Variants in MGAT4C observed in about 807,000 individuals in gnomAD.
The protein encoded by MGAT4C is MGAT4 family member C, also known as alpha-1,3-mannosyl-glycoprotein 4-beta-N-acetylglucosaminyltransferase C.
MGAT4C carries 19 observed loss-of-function variants against 40.1 expected under a neutral mutation model. That is an observed-to-expected ratio of 0.47 (90% CI 0.33 to 0.70). MGAT4C has a LOEUF of 0.70. Ranked by LOEUF, MGAT4C falls within the 30% of genes least tolerant of loss-of-function variation. MGAT4C has a pLI of 0.02. For synonymous variants in MGAT4C, 181 were observed against 187.1 expected (o/e 0.97, Z 0.27); for missense variants, 491 against 563.2 (o/e 0.87, Z 1.30).
chr12:86,276,397 T>C (rs1953082682), intron 4 of MGAT4C, among the ~76,000 whole-genome samples: 1 of 152,176 alleles, frequency 6.6e-6, no homozygotes, highest in Non-Finnish European at 1.5e-5. Context: ...TCACCTCAAG[T>C]AATTTACCCT....
intron 1 of MGAT4C, among the ~76,000 whole-genome samples, chr12:86,144,379 C>T (rs986012453): frequency 6.6e-6 from 1 of 152,046 alleles, no homozygotes; most frequent in Non-Finnish European, 1.5e-5. Flanking sequence ...GCTAGTTATA[C>T]CCTCGAGTAC....
At chr12:86,574,500 A>C (rs750841745) in intron 2 of MGAT4C, among the ~76,000 whole-genome samples, 1 of 151,766 alleles carries the variant, frequency 6.6e-6, no homozygotes, top group Non-Finnish European at 1.5e-5. Context: ...TAATTATATT[A>C]GTTTTAGTCA....
At chr12:86,228,647 A>G (rs1214457176) in intron 1 of MGAT4C, among the ~76,000 whole-genome samples, 3 of 151,032 alleles carry the variant, frequency 2.0e-5, no homozygotes, top group East Asian at 3.9e-4. Flanking sequence ...AAGAGAAATA[A>G]GGATTTGCAT....
At chr12:86,179,147 T>C (rs55898671) in intron 1 of MGAT4C, among the ~76,000 whole-genome samples, 11,164 of 152,260 alleles carry the variant, frequency 0.073, 576 homozygotes, top group Middle Eastern at 0.22. Context: ...ATTCTAGTGA[T>C]ACTGAATACA....
rs146340404 is a variant in MGAT4C, at chr12:85,998,371, A to G, written c.-6-8819T>C. On this transcript the variant is annotated intron_variant, in intron 2 of 4. Transcript: ENST00000611864. ...TTTTCCCTATTGTCTTGGTGATTAC[A>G]TTCTGCTCCTCATTACTTATGCAAA... Among the ~76,000 whole-genome samples, 870 of 152,264 alleles carry G rather than the reference A, an allele frequency of 5.7e-3. 6 individuals carry two copies. The highest frequency in any genetic ancestry group is 0.01 in the Middle Eastern group (3 of 294).
intron 2 of MGAT4C, among the ~76,000 whole-genome samples, chr12:86,652,831 T>C (rs77432713): frequency 0.12 from 17,961 of 151,900 alleles, 1,745 homozygotes; most frequent in African/African-American, 0.27. Flanking sequence ...ATATTCCTTG[T>C]AATTAATTCC....
intron 2 of MGAT4C, among the ~76,000 whole-genome samples, chr12:86,534,432 T>A (rs1018386785): frequency 6.6e-6 from 1 of 152,132 alleles, no homozygotes; most frequent in Admixed American, 6.6e-5. Context: ...CTGTAACTTC[T>A]GTCCCCATAA....
At chr12:86,126,180 G>T (rs1262831076) in intron 1 of MGAT4C, among the ~76,000 whole-genome samples, 2 of 151,760 alleles carry the variant, frequency 1.3e-5, no homozygotes, top group Non-Finnish European at 2.9e-5. Context: ...TACTTAAAAT[G>T]CTATATGTAA....
chr12:86,570,410 A>C (rs1960314842), intron 2 of MGAT4C, among the ~76,000 whole-genome samples: 1 of 152,138 alleles, frequency 6.6e-6, no homozygotes, highest in African/African-American at 2.4e-5. Flanking sequence ...TTTGTCTAAT[A>C]AGACTTGTTC....
intron 3 of MGAT4C, among the ~76,000 whole-genome samples, chr12:86,361,979 T>G (rs61949466): frequency 0.085 from 12,910 of 152,308 alleles, 761 homozygotes; most frequent in Middle Eastern, 0.22. Context: ...AGCCATCCCA[T>G]TACTGGGTAT....
intron 2 of MGAT4C, among the ~76,000 whole-genome samples, chr12:86,635,868 G>C (rs2136512777): frequency 6.6e-6 from 1 of 151,174 alleles, no homozygotes; most frequent in African/African-American, 2.4e-5. Context: ...ATTTTTAGTA[G>C]AGATGAGTTT....
chr12:86,105,087 A>G (rs1272445173), intron 1 of MGAT4C, among the ~76,000 whole-genome samples: 1 of 152,184 alleles, frequency 6.6e-6, no homozygotes, highest in African/African-American at 2.4e-5. Flanking sequence ...AGGCAGGTAA[A>G]ATGTGATATT....
At chr12:86,785,203 C>T (rs1657931578) in intron 1 of MGAT4C, among the ~76,000 whole-genome samples, 1 of 151,904 alleles carries the variant, frequency 6.6e-6, no homozygotes, top group Admixed American at 6.6e-5. Context: ...CAAATGTCTG[C>T]CTCTATTTGC....
intron 3 of MGAT4C, 23 bp from the exon 4 acceptor site, chr12:85,983,693 G>T: frequency 6.6e-7 from 1 of 1,509,526 alleles, no homozygotes; most frequent in Admixed American, 2.3e-5. Flanking sequence ...AAAGAAGCAA[G>T]GAAAATATAT....
At chr12:86,242,050 C>T (rs1205108882) in intron 1 of MGAT4C, among the ~76,000 whole-genome samples, 1 of 152,158 alleles carries the variant, frequency 6.6e-6, no homozygotes, top group Non-Finnish European at 1.5e-5. Flanking sequence ...CATCTTTTCA[C>T]TATACAATCA....
At chr12:86,284,171 A>G (rs1388854542) in intron 4 of MGAT4C, among the ~76,000 whole-genome samples, 1 of 152,076 alleles carries the variant, frequency 6.6e-6, no homozygotes, top group Non-Finnish European at 1.5e-5. Flanking sequence ...CAATGATTCT[A>G]TAACAGGTTG....
chr12:86,502,536 T>C (rs1376525044), intron 2 of MGAT4C, among the ~76,000 whole-genome samples: 1 of 151,536 alleles, frequency 6.6e-6, no homozygotes, highest in Non-Finnish European at 1.5e-5. Context: ...TATTGATTCA[T>C]CCATTGTAAC....
At chr12:86,051,013 A>G (rs1416439265) in intron 1 of MGAT4C, among the ~76,000 whole-genome samples, 2 of 150,866 alleles carry the variant, frequency 1.3e-5, no homozygotes, top group African/African-American at 2.4e-5. Flanking sequence ...AGAAGGCTGT[A>G]GCAACAATCG....
chr12:86,267,708 T>C (rs1170673932), intron 4 of MGAT4C, among the ~76,000 whole-genome samples: 2 of 152,104 alleles, frequency 1.3e-5, no homozygotes, highest in African/African-American at 2.4e-5. Flanking sequence ...AGCTAGTAAG[T>C]AGGCCTAGAC....
Sources: gnomAD v4.1 joint callset for allele counts (sites outside exome capture counted in the v4.1 genomes callset) on GRCh38, gnomAD v4.1.1 for gene constraint, MANE v1.5 for transcripts, NCBI Gene and HGNC (gene_info 2026-07-23, HGNC 2026-07-21) for gene names.